Variants in LAMA2 observed in about 807,000 individuals in gnomAD.
The protein encoded by LAMA2 is laminin subunit alpha-2.
In LAMA2, 269 loss-of-function variants were observed where a neutral mutation model predicts 364.8. The observed-to-expected ratio is 0.74, with a 90% confidence interval of 0.67 to 0.82. The LOEUF is 0.82. LAMA2 is among the 40% of genes least tolerant of loss of function. The pLI is 0.00. For synonymous variants in LAMA2, 1,379 were observed against 1,370.6 expected, an observed-to-expected ratio of 1.01 and a Z score of -0.14; for missense variants, 3,807 against 3,873.2, an observed-to-expected ratio of 0.98 and a Z score of 0.45.
intron 1 of LAMA2, among the ~76,000 whole-genome samples, chr6:129,031,812 T>G (rs1326540464): frequency 7.3e-6 from 1 of 136,908 alleles, no homozygotes; most frequent in Non-Finnish European, 1.6e-5. Context: ...AATCCTGATA[T>G]GAATTTCTTT....
chr6:129,321,278 CA>C (rs1487207395), intron 28 of LAMA2, among the ~76,000 whole-genome samples: 1 of 152,144 alleles, frequency 6.6e-6, no homozygotes, highest in African/African-American at 2.4e-5. Context: ...TTAATAGGAA[CA>C]GTACGACTTA....
At chr6:128,937,883 T>C (rs957518460) in intron 1 of LAMA2, among the ~76,000 whole-genome samples, 5 of 151,994 alleles carry the variant, frequency 3.3e-5, no homozygotes, top group South Asian at 4.1e-4. Flanking sequence ...AAGTTGTTCA[T>C]TTTAGATCTT....
chr6:129,234,939 A>C (rs933535412), intron 12 of LAMA2, among the ~76,000 whole-genome samples: 1 of 152,202 alleles, frequency 6.6e-6, no homozygotes, highest in Non-Finnish European at 1.5e-5. Flanking sequence ...GAGTGAATGA[A>C]ATCTAGTAAA....
At position 129,368,957 on chromosome 6, in the gene LAMA2, G is replaced by A. The variant is rs899710850; in HGVS notation, c.4861-935G>A. 3.9e-5 allele frequency among the ~76,000 whole-genome samples: 6 copies of A among 152,132 alleles called. No homozygotes were observed. In the East Asian group the frequency reaches 1.2e-3, roughly 29 times the overall value. On this transcript the variant is annotated intron_variant, in intron 33 of 64. Coordinates refer to ENST00000421865, the MANE Select transcript of LAMA2 (RefSeq NM_000426.4). ...GATTTATTAACTTGTTGCAACAAGG[G>A]GCACTGAACACCATGGGGGAATTGT...
intron 1 of LAMA2, among the ~76,000 whole-genome samples, chr6:128,975,556 A>C (rs1230118730): frequency 2.0e-5 from 3 of 152,226 alleles, no homozygotes; most frequent in Non-Finnish European, 4.4e-5. Context: ...CTGTGTCTCC[A>C]CCCAGATCTC....
intron 17 of LAMA2, among the ~76,000 whole-genome samples, chr6:129,272,953 G>T (rs1225314567): frequency 2.6e-5 from 4 of 152,038 alleles, no homozygotes; most frequent in Non-Finnish European, 5.9e-5. Flanking sequence ...GAAGTACCTG[G>T]TGCCAAAAAT....
chr6:129,173,478 A>G (rs1583187830), intron 9 of LAMA2, among the ~76,000 whole-genome samples: 1 of 152,198 alleles, frequency 6.6e-6, no homozygotes, highest in African/African-American at 2.4e-5. Flanking sequence ...GATAAAGACT[A>G]TCATCCCTAC....
intron 62 of LAMA2, among the ~76,000 whole-genome samples, chr6:129,510,942 C>T (rs568403643): frequency 6.6e-6 from 1 of 152,090 alleles, no homozygotes; most frequent in South Asian, 2.1e-4. Context: ...AAAAGCTTCC[C>T]CCAAGATTTC....
rs750754254 is a variant in LAMA2 at position 129,270,580 on chromosome 6, C to T, written c.2323-44C>T. ...ACCTATTTTTGGCAACATGTTGATC[C>T]CTGACACCAAAATAATAAACTCTGA... On this transcript the variant is annotated intron_variant, in intron 16 of 64. Coordinates refer to ENST00000421865, the MANE Select transcript of LAMA2 (RefSeq NM_000426.4). 3 of 1,609,712 alleles carry T rather than the reference C, an allele frequency of 1.9e-6. No individual in the cohort carries two copies. In the Admixed American group the frequency reaches 5.0e-5, roughly 27 times the overall value.
At chr6:129,459,177 C>T (rs550610153) in intron 48 of LAMA2, among the ~76,000 whole-genome samples, 5 of 152,146 alleles carry the variant, frequency 3.3e-5, no homozygotes, top group Non-Finnish European at 7.4e-5. Flanking sequence ...AGAGCCTGTA[C>T]AGCATGTTCC....
chr6:129,371,690 T>A (rs1778093212), intron 34 of LAMA2, among the ~76,000 whole-genome samples: 1 of 148,718 alleles, frequency 6.7e-6, no homozygotes, highest in Non-Finnish European at 1.5e-5. Context: ...CACTGCAACC[T>A]CCGCCTCCCG....
chr6:128,987,754 C>T (rs960135422), intron 1 of LAMA2, among the ~76,000 whole-genome samples: 1 of 152,186 alleles, frequency 6.6e-6, no homozygotes, highest in Admixed American at 6.5e-5. Context: ...ACTTGTTTCA[C>T]CTTAGACAAG....
intron 29 of LAMA2, among the ~76,000 whole-genome samples, chr6:129,331,703 C>T (rs1455307774): frequency 1.3e-5 from 2 of 151,904 alleles, no homozygotes; most frequent in Non-Finnish European, 2.9e-5. Context: ...GACTCATTTC[C>T]TTTCTAAGTA....
At chr6:129,417,503 A>G (rs10872340) in intron 40 of LAMA2, among the ~76,000 whole-genome samples, 66,967 of 151,812 alleles carry the variant, frequency 0.44, 14,947 homozygotes, top group South Asian at 0.48. Context: ...AAAAAGCACC[A>G]TAAGTTCTCA....
intron 10 of LAMA2, among the ~76,000 whole-genome samples, chr6:129,182,831 A>G (rs12664847): frequency 0.027 from 4,106 of 151,920 alleles, 125 homozygotes; most frequent in East Asian, 0.15. Flanking sequence ...AGGCAAATAT[A>G]AAATATAAAT....
At chr6:129,360,044 T>C (rs1317145397) in intron 32 of LAMA2, among the ~76,000 whole-genome samples, 1 of 152,160 alleles carries the variant, frequency 6.6e-6, no homozygotes, top group Non-Finnish European at 1.5e-5. Flanking sequence ...AAACATTTAG[T>C]CATGTAAAAT....
chr6:129,088,509 GC>G (rs1268798583), intron 3 of LAMA2, among the ~76,000 whole-genome samples: 1 of 151,200 alleles, frequency 6.6e-6, no homozygotes, highest in African/African-American at 2.4e-5. Flanking sequence ...AGACGGGGTG[GC>G]TGGCCAGGCG....
chr6:129,166,345 A>G (rs1779740744), intron 9 of LAMA2, among the ~76,000 whole-genome samples: 3 of 152,208 alleles, frequency 2.0e-5, no homozygotes, highest in Non-Finnish European at 4.4e-5. Context: ...GGAAATTCAT[A>G]GAATGCACTG....
chr6:129,017,215 A>G (rs918924001), intron 1 of LAMA2, among the ~76,000 whole-genome samples: 2 of 151,970 alleles, frequency 1.3e-5, no homozygotes, highest in Non-Finnish European at 2.9e-5. Context: ...TTGTAACTCA[A>G]TGTCTGTTGG....
Sources: allele counts gnomAD v4.1 joint callset (sites outside exome capture counted in the v4.1 genomes callset), GRCh38; gene constraint gnomAD v4.1.1; transcripts MANE v1.5; gene names NCBI Gene and HGNC (gene_info 2026-07-23, HGNC 2026-07-21).